Variants in PTPN4 observed in about 807,000 individuals in gnomAD.
PTPN4 encodes protein tyrosine phosphatase non-receptor type 4.
Under a neutral mutation model 135.5 loss-of-function variants are expected in PTPN4, and 49 were observed. The ratio of observed to expected loss-of-function variants is 0.36; its 90% confidence interval spans 0.29 to 0.46. The LOEUF (loss-of-function observed/expected upper bound fraction) is 0.46. PTPN4 is among the 20% of genes least tolerant of loss of function. PTPN4 has a pLI of 1.00. For missense variants in PTPN4, 860 were observed against 1,101.0 expected, an observed-to-expected ratio of 0.78 and a Z score of 3.10; for synonymous variants, 333 against 369.9, an observed-to-expected ratio of 0.90 and a Z score of 1.14.
intron 1 of PTPN4, among the ~76,000 whole-genome samples, chr2:119,775,541 T>C (rs1472280925): frequency 1.3e-5 from 2 of 152,178 alleles, no homozygotes; most frequent in African/African-American, 2.4e-5. Context: ...GATTGATTAG[T>C]CCTAAGGACC....
At chr2:119,804,214 G>A (rs1485493351) in intron 1 of PTPN4, among the ~76,000 whole-genome samples, 1 of 152,068 alleles carries the variant, frequency 6.6e-6, no homozygotes, top group East Asian at 1.9e-4. Flanking sequence ...CTGGGCTCAA[G>A]GGATCCTCCT....
intron 2 of PTPN4, among the ~76,000 whole-genome samples, chr2:119,811,678 A>G (rs1676878677): frequency 6.6e-6 from 1 of 152,138 alleles, no homozygotes; most frequent in Non-Finnish European, 1.5e-5. Flanking sequence ...CTTTTGTCTT[A>G]GCTTAAATTT....
At chr2:119,914,092 G>T (rs1678612554) in intron 10 of PTPN4, among the ~76,000 whole-genome samples, 1 of 151,962 alleles carries the variant, frequency 6.6e-6, no homozygotes, top group African/African-American at 2.4e-5. Context: ...TGAAATTAAA[G>T]TGATTTGAAA....
chr2:119,927,594 T>C (rs887233449), intron 13 of PTPN4, among the ~76,000 whole-genome samples: 5 of 152,122 alleles, frequency 3.3e-5, no homozygotes, highest in African/African-American at 4.8e-5. Flanking sequence ...GGTAATGGAA[T>C]GGAAAATAGG....
In PTPN4 at chr2:119,870,840, A is replaced by G. The variant is rs1677899714; in HGVS notation, c.247-6483A>G. ...TAGTATAGTTGGGTAAGAGTTGGAA[A>G]CATTTTTAATAATATTTGTTATGAT... is the stretch of plus-strand genomic sequence containing the variant. On this transcript the variant is annotated intron_variant, in intron 3 of 26. Coordinates refer to ENST00000263708, the MANE Select transcript of PTPN4 (RefSeq NM_002830.4). Among the ~76,000 whole-genome samples, 3 of 152,144 alleles carry G rather than the reference A, an allele frequency of 2.0e-5. No homozygotes were observed. The South Asian group carries it at 6.2e-4, about 32-fold the overall frequency.
In PTPN4 at chr2:119,799,064, A is replaced by G. The variant is rs967794441; in HGVS notation, c.-17-10773A>G. ...CAGGAGATAACCAAAATGTAGCTCTATACAATCATCTTTCATAGTTGTTAT... is the reference window on the plus strand; with the variant it reads ...CAGGAGATAACCAAAATGTAGCTCTGTACAATCATCTTTCATAGTTGTTAT... On this transcript the variant is annotated intron_variant, in intron 1 of 26. Coordinates refer to ENST00000263708, the MANE Select transcript of PTPN4 (RefSeq NM_002830.4). 4.6e-5 allele frequency among the ~76,000 whole-genome samples: 7 copies of G among 152,252 alleles called. No individual in the cohort carries two copies. The South Asian group carries it at 6.2e-4, about 13-fold the overall frequency.
intron 13 of PTPN4, among the ~76,000 whole-genome samples, chr2:119,932,002 A>T (rs72840403): frequency 0.021 from 3,168 of 152,310 alleles, 60 homozygotes; most frequent in Non-Finnish European, 0.033. Flanking sequence ...TTATAGAAGC[A>T]TTCAGGAGAT....
chr2:119,912,095 C>T (rs1250860378), intron 10 of PTPN4, among the ~76,000 whole-genome samples: 1 of 152,176 alleles, frequency 6.6e-6, no homozygotes, highest in Non-Finnish European at 1.5e-5. Flanking sequence ...GAATGCTCCT[C>T]AGCAAAGTGG....
chr2:119,949,220 A>G (rs1282016982), intron 18 of PTPN4, among the ~76,000 whole-genome samples: 1 of 152,218 alleles, frequency 6.6e-6, no homozygotes, highest in Non-Finnish European at 1.5e-5. Context: ...GCTGGAATTT[A>G]GAGCAAATTA....
At chr2:119,922,867 T>C (rs949598802) in intron 12 of PTPN4, among the ~76,000 whole-genome samples, 2 of 152,260 alleles carry the variant, frequency 1.3e-5, no homozygotes, top group African/African-American at 4.8e-5. Flanking sequence ...AGGTTTTGTC[T>C]TTCTTCCTGA....
chr2:119,839,453 AAATAT>A (rs1677347772), intron 2 of PTPN4, among the ~76,000 whole-genome samples: 1 of 152,222 alleles, frequency 6.6e-6, no homozygotes, highest in Non-Finnish European at 1.5e-5. Flanking sequence ...TCAAACACAT[AAATAT>A]GATTACTAAA....
intron 2 of PTPN4, among the ~76,000 whole-genome samples, chr2:119,860,390 A>G (rs527496313): frequency 1.3e-5 from 2 of 152,326 alleles, no homozygotes; most frequent in South Asian, 2.1e-4. Context: ...TCTTTTAAAC[A>G]TTGTCACATG....
intron 1 of PTPN4, among the ~76,000 whole-genome samples, chr2:119,775,515 T>G (rs1370999406): frequency 6.6e-6 from 1 of 152,194 alleles, no homozygotes; most frequent in Non-Finnish European, 1.5e-5. Context: ...ACACAACATT[T>G]CTAATTCAGA....
intron 2 of PTPN4, among the ~76,000 whole-genome samples, chr2:119,813,324 C>T (rs562649116): frequency 1.3e-5 from 2 of 151,738 alleles, no homozygotes; most frequent in East Asian, 2.0e-4. Context: ...CTCGGCTCAC[C>T]GCAACCTCCG....
At chr2:119,772,188 G>A (rs1389978159) in intron 1 of PTPN4, among the ~76,000 whole-genome samples, 1 of 152,148 alleles carries the variant, frequency 6.6e-6, no homozygotes, top group African/African-American at 2.4e-5. Context: ...AGCACAAATT[G>A]CAGTCAGTTA....
chr2:119,760,611 A>T (rs998719569), intron 1 of PTPN4, among the ~76,000 whole-genome samples: 2 of 151,944 alleles, frequency 1.3e-5, no homozygotes, highest in South Asian at 2.1e-4. Flanking sequence ...TTATAGTTGG[A>T]ATCTCTGTTA....
At chr2:119,947,792 AT>A (rs1679157887) in intron 18 of PTPN4, among the ~76,000 whole-genome samples, 1 of 150,688 alleles carries the variant, frequency 6.6e-6, no homozygotes, top group African/African-American at 2.4e-5. Context: ...ACACACACAC[AT>A]CAGATTGTGA....
chr2:119,844,924 T>C (rs910465477), intron 2 of PTPN4, among the ~76,000 whole-genome samples: 29 of 151,260 alleles, frequency 1.9e-4, no homozygotes, highest in Admixed American at 7.9e-4. Context: ...TAGGTTGTAG[T>C]GAGCCGAGAT....
At chr2:119,875,927 A>G (rs752112624) in intron 3 of PTPN4, among the ~76,000 whole-genome samples, 1 of 152,204 alleles carries the variant, frequency 6.6e-6, no homozygotes, top group Non-Finnish European at 1.5e-5. Flanking sequence ...TACTTGTTAA[A>G]TGGGAGCTGT....
Sources: gnomAD v4.1 joint callset for allele counts (sites outside exome capture counted in the v4.1 genomes callset) on GRCh38, gnomAD v4.1.1 for gene constraint, MANE v1.5 for transcripts, NCBI Gene and HGNC (gene_info 2026-07-23, HGNC 2026-07-21) for gene names.